MCCC2: variants seen among roughly 807,000 people sequenced by gnomAD.
The protein encoded by MCCC2 is methylcrotonoyl-CoA carboxylase beta chain, mitochondrial.
In MCCC2, 52 loss-of-function variants were observed where a neutral mutation model predicts 77.2. The ratio of observed to expected loss-of-function variants is 0.67; its 90% CI spans 0.54 to 0.85. The LOEUF is 0.85. MCCC2 is among the 40% of genes least tolerant of loss of function. MCCC2 has a pLI of 0.00. For missense variants in MCCC2, 682 were observed against 703.2 expected, an observed-to-expected ratio of 0.97 and a Z score of 0.34; for synonymous variants, 253 against 248.4, an observed-to-expected ratio of 1.02 and a Z score of -0.18.
At chr5:71,643,506 G>A (rs1297002038) in intron 11 of MCCC2, among the ~76,000 whole-genome samples, 1 of 151,824 alleles carries the variant, frequency 6.6e-6, no homozygotes, top group East Asian at 1.9e-4. Flanking sequence ...CTAGTGTCTG[G>A]TACATACTAG....
In MCCC2 at chr5:71,587,493, A is replaced by C. The variant is rs1238687077; in HGVS notation, c.68A>C (p.Tyr23Ser). The C allele has an allele frequency of 1.9e-5, 29 of 1,537,844 alleles. No individual in the cohort carries two copies. The highest frequency in any genetic ancestry group is 2.4e-5 in the Non-Finnish European group (27 of 1,146,518). Residue 23 changes from tyrosine to serine, a missense_variant, in exon 1 of 17, where the codon TAT (tyrosine) becomes TCT (serine). Transcript: ENST00000340941. Reference protein sequence around the residue: ...ARASPAGPRAYHGDSVASLGT... With the variant: ...ARASPAGPRASHGDSVASLGT... Reference sequence around the variant, plus strand: ...GCCTCTCCCGCCGGGCCGCGCGCCTATCACGGGGACTCGGTGGCCTCGCTG... The same window carrying C: ...GCCTCTCCCGCCGGGCCGCGCGCCTCTCACGGGGACTCGGTGGCCTCGCTG...
rs538735101 is a variant in MCCC2 at position 71,631,302 on chromosome 5, G to A, written c.739-819G>A. ...GGTGTAAGTGCAATGCCCTTGGACCGTGGATAGGCAGGCAGTCCTCTATTA... is the reference window on the plus strand; with the variant it reads ...GGTGTAAGTGCAATGCCCTTGGACCATGGATAGGCAGGCAGTCCTCTATTA... On this transcript the variant is annotated intron_variant, in intron 7 of 16. Transcript: ENST00000340941. 5.5e-4 allele frequency among the ~76,000 whole-genome samples: 83 copies of A among 152,280 alleles called. 1 individual carries two copies. The highest frequency in any genetic ancestry group is 1.9e-3 in the African/African-American group (78 of 41,564).
At position 71,604,409 on chromosome 5, in the gene MCCC2, G is replaced by A; in HGVS notation, c.565G>A (p.Asp189Asn). 1 of 1,614,092 alleles carries A rather than the reference G, an allele frequency of 6.2e-7. No individual in the cohort carries two copies. Among genetic ancestry groups the A allele is most frequent in the Non-Finnish European group, 8.5e-7 (1 of 1,180,038 alleles). ...PRQADVFPDR[D>N]HFGRTFYNQA... Reference sequence around the variant, plus strand: ...ACAAGCAGATGTGTTTCCAGATCGAGACCACTTTGGCCGTACATTCTATAA... The same window carrying A: ...ACAAGCAGATGTGTTTCCAGATCGAAACCACTTTGGCCGTACATTCTATAA... Residue 189 changes from aspartate to asparagine, a missense_variant, in exon 6 of 17, where the codon GAC becomes AAC. Coordinates refer to ENST00000340941, the MANE Select transcript of MCCC2 (RefSeq NM_022132.5).
intron 7 of MCCC2, among the ~76,000 whole-genome samples, chr5:71,627,541 G>T (rs1453430252): frequency 6.6e-6 from 1 of 152,208 alleles, no homozygotes; most frequent in Non-Finnish European, 1.5e-5. Flanking sequence ...CGCTTTGAAT[G>T]TATAGGTTTT....
chr5:71,592,545 T>A (rs1177334838), intron 1 of MCCC2, among the ~76,000 whole-genome samples: 1 of 152,220 alleles, frequency 6.6e-6, no homozygotes, highest in Admixed American at 6.5e-5. Flanking sequence ...AAAAAGCTTA[T>A]ATTCCTTAAA....
intron 3 of MCCC2, among the ~76,000 whole-genome samples, chr5:71,599,239 G>T (rs563022160): frequency 2.0e-5 from 3 of 152,000 alleles, no homozygotes; most frequent in Non-Finnish European, 4.4e-5. Context: ...TTGTGGTGGC[G>T]CATGCCTGTA....
At chr5:71,598,925 A>AT (rs1745311280) in intron 3 of MCCC2, among the ~76,000 whole-genome samples, 1 of 137,004 alleles carries the variant, frequency 7.3e-6, no homozygotes, top group Admixed American at 8.5e-5. Flanking sequence ...CTGTGTTGAA[A>AT]ATTTTTTTTT....
intron 1 of MCCC2, among the ~76,000 whole-genome samples, chr5:71,592,305 C>T (rs190371566): frequency 1.7e-4 from 26 of 152,178 alleles, no homozygotes; most frequent in Admixed American, 1.5e-3. Context: ...CGCTTGATCT[C>T]GGGAGGCGGA....
intron 1 of MCCC2, among the ~76,000 whole-genome samples, chr5:71,591,725 C>T (rs554954169): frequency 4.0e-5 from 6 of 151,850 alleles, no homozygotes; most frequent in Non-Finnish European, 8.8e-5. Flanking sequence ...GCGTGAGCCA[C>T]CACGGCTGGC....
chr5:71,597,529 GGTA>G (rs72022287), intron 3 of MCCC2, among the ~76,000 whole-genome samples: 113,362 of 151,558 alleles, frequency 0.75, 43,079 homozygotes, highest in East Asian at 0.86. Context: ...CTCGGCATAG[GGTA>G]GTAGTAGTGG....
intron 6 of MCCC2, among the ~76,000 whole-genome samples, chr5:71,609,213 C>T (rs372719723): frequency 8.6e-5 from 13 of 150,766 alleles, no homozygotes; most frequent in South Asian, 2.1e-4. Flanking sequence ...ACCAATCAGA[C>T]GTAGATTTGG....
At chr5:71,640,113 T>G (rs761356514) in intron 10 of MCCC2, among the ~76,000 whole-genome samples, 27 of 152,196 alleles carry the variant, frequency 1.8e-4, no homozygotes, top group South Asian at 6.2e-4. Flanking sequence ...GGATAAACTA[T>G]TTAGTAATTT....
rs1474283883 is a variant in MCCC2, at chr5:71,658,642, G to A, written c.*1782G>A. ...TCTGGCCACATAGTTTTAAAATTAG[G>A]TGATTGATTATATGACCGAATAGAA... On this transcript the variant is annotated 3_prime_UTR_variant, in exon 17 of 17. Coordinates refer to ENST00000340941, the MANE Select transcript of MCCC2 (RefSeq NM_022132.5). 6.6e-6 allele frequency: 1 copy of A among 152,104 alleles called. No individual in the cohort carries two copies. The highest frequency in any genetic ancestry group is 1.5e-5 in the Non-Finnish European group (1 of 68,032). 9.4% of individuals were successfully genotyped at this position (152,104 alleles called of 1,614,324 possible).
intron 6 of MCCC2, among the ~76,000 whole-genome samples, chr5:71,611,605 C>T (rs1403800566): frequency 1.3e-5 from 2 of 152,000 alleles, no homozygotes; most frequent in African/African-American, 4.8e-5. Flanking sequence ...TGGCTATTTA[C>T]TATGTATGTA....
chr5:71,636,250 A>C (rs542110552), intron 10 of MCCC2: 18 of 200,160 alleles, frequency 9.0e-5, no homozygotes, highest in Non-Finnish European at 1.9e-4. Context: ...ATACCCCAGC[A>C]TTGCTAGTGG....
Position 71,621,615 on chromosome 5 carries a change from T to C in MCCC2, c.625-5025T>C, listed in dbSNP as rs187467417. On this transcript the variant is annotated intron_variant, in intron 6 of 16. Coordinates refer to ENST00000340941, the MANE Select transcript of MCCC2 (RefSeq NM_022132.5). ...AAAAGAGAGAAGAGATTGTATGACA[T>C]TGAGTGACAGTGACTAATCATTAAT... 1.4e-4 allele frequency among the ~76,000 whole-genome samples: 21 copies of C among 152,236 alleles called. No individual in the cohort carries two copies. The South Asian group carries it at 2.7e-3, about 20-fold the overall frequency.
At chr5:71,621,439 AAGGATTATT>A (rs1461761622) in intron 6 of MCCC2, among the ~76,000 whole-genome samples, 1 of 152,198 alleles carries the variant, frequency 6.6e-6, no homozygotes, top group Non-Finnish European at 1.5e-5. Context: ...ACTAAATGAC[AAGGATTATT>A]AGTTGGGCGT....
chr5:71,599,284 C>T (rs889460645), intron 3 of MCCC2, among the ~76,000 whole-genome samples: 4 of 152,044 alleles, frequency 2.6e-5, no homozygotes, highest in Admixed American at 6.5e-5. Context: ...GCAGGAGAAT[C>T]GCTTGAACTC....
chr5:71,607,652 C>A (rs1316958953), intron 6 of MCCC2, among the ~76,000 whole-genome samples: 1 of 146,138 alleles, frequency 6.8e-6, no homozygotes, highest in Admixed American at 6.9e-5. Flanking sequence ...TTTTCTAGTT[C>A]TTTTAATTGT....
Sources: allele counts gnomAD v4.1 joint callset (sites outside exome capture counted in the v4.1 genomes callset), GRCh38; gene constraint gnomAD v4.1.1; transcripts MANE v1.5; gene names NCBI Gene and HGNC (gene_info 2026-07-23, HGNC 2026-07-21).